The following NDUFS4 variants were observed in gnomAD, a reference collection of about 807,000 sequenced individuals.
NDUFS4 encodes the protein NADH dehydrogenase [ubiquinone] iron-sulfur protein 4, mitochondrial.
Under a neutral mutation model 24.3 loss-of-function variants are expected in NDUFS4, and 28 were observed. That is an observed-to-expected ratio of 1.15 (90% CI 0.85 to 1.58). NDUFS4 has a LOEUF of 1.58. Among genes scored for constraint, NDUFS4 ranks in the 40% most tolerant of loss-of-function variants. The probability of loss-of-function intolerance (pLI) is 0.00; values close to 1 mark genes in which losing one functional copy is unlikely to be tolerated. For missense variants in NDUFS4, 223 were observed against 207.9 expected (o/e 1.07, Z -0.45); for synonymous variants, 93 against 69.7 (o/e 1.34, Z -1.67).
At chr5:53,563,236 C>CAAAAA (rs906204561) in intron 1 of NDUFS4, among the ~76,000 whole-genome samples, 7 of 105,024 alleles carry the variant, frequency 6.7e-5, no homozygotes, top group South Asian at 3.1e-4. Flanking sequence ...CTCAAAAAAA[C>CAAAAA]AAAAAAAAAA....
chr5:53,662,311 T>C (rs1410112699), intron 4 of NDUFS4, among the ~76,000 whole-genome samples: 1 of 152,076 alleles, frequency 6.6e-6, no homozygotes, highest in East Asian at 1.9e-4. Context: ...ATTTTGTGTA[T>C]GTTGAACCAG....
chr5:53,562,473 A>T (rs1748880503), intron 1 of NDUFS4, among the ~76,000 whole-genome samples: 2 of 152,292 alleles, frequency 1.3e-5, no homozygotes, highest in South Asian at 4.1e-4. Context: ...TTGAGATTAG[A>T]TTTTTGAAAC....
chr5:53,564,105 T>C (rs1748945164), intron 1 of NDUFS4, among the ~76,000 whole-genome samples: 1 of 152,214 alleles, frequency 6.6e-6, no homozygotes, highest in Non-Finnish European at 1.5e-5. Flanking sequence ...GACCTGTTTG[T>C]GAGGTCTCTT....
rs1415480725 is a variant in NDUFS4, at chr5:53,573,999, A to C, written c.98+13239A>C. On this transcript the variant is annotated intron_variant, in intron 1 of 4. Transcript: ENST00000296684. The stretch of plus-strand genomic sequence containing the variant: ...CCACATTTATTTGTTACATAAAGTT[A>C]TATAAGTTTTTTGTAGATTCTTTGG... 3.3e-5 allele frequency among the ~76,000 whole-genome samples: 5 copies of C among 152,210 alleles called. No individual in the cohort carries two copies. The East Asian group carries it at 9.6e-4, about 29-fold the overall frequency.
intron 1 of NDUFS4, among the ~76,000 whole-genome samples, chr5:53,601,002 AAT>A (rs1750300704): frequency 7.2e-6 from 1 of 138,734 alleles, no homozygotes; most frequent in South Asian, 2.3e-4. Context: ...GTTTATAATA[AAT>A]TTTTTTTTTT....
intron 1 of NDUFS4, among the ~76,000 whole-genome samples, chr5:53,594,117 T>C (rs1161532780): frequency 6.6e-6 from 1 of 152,160 alleles, no homozygotes. Flanking sequence ...GTCTACTGGC[T>C]CTGTCAATTA....
intron 1 of NDUFS4, among the ~76,000 whole-genome samples, chr5:53,576,191 G>T (rs896843665): frequency 1.3e-5 from 2 of 152,232 alleles, no homozygotes; most frequent in African/African-American, 4.8e-5. Context: ...CCCAGGCTTT[G>T]TAGCCCTTCC....
chr5:53,639,817 C>G (rs973416971), intron 2 of NDUFS4, among the ~76,000 whole-genome samples: 1 of 152,024 alleles, frequency 6.6e-6, no homozygotes, highest in African/African-American at 2.4e-5. Flanking sequence ...TAACAGTTAC[C>G]TCCCTGAAGT....
At chr5:53,566,918 G>A (rs1273056886) in intron 1 of NDUFS4, among the ~76,000 whole-genome samples, 3 of 148,734 alleles carry the variant, frequency 2.0e-5, no homozygotes, top group East Asian at 2.0e-4. Context: ...GCGTGATCTC[G>A]GCTCACTGTG....
intron 1 of NDUFS4, among the ~76,000 whole-genome samples, chr5:53,587,396 ACC>A (rs1749796388): frequency 6.6e-6 from 1 of 151,912 alleles, no homozygotes; most frequent in Non-Finnish European, 1.5e-5. Context: ...TAAACCTACC[ACC>A]TAGATTTAAC....
chr5:53,630,410 A>G (rs751819910), intron 2 of NDUFS4, among the ~76,000 whole-genome samples: 20 of 151,718 alleles, frequency 1.3e-4, no homozygotes, highest in Non-Finnish European at 2.7e-4. Context: ...TATTTCCTCA[A>G]CTTGAATGTT....
intron 1 of NDUFS4, 118 bp from the exon 2 acceptor site, chr5:53,603,334 T>C: frequency 1.5e-6 from 1 of 687,926 alleles, no homozygotes; most frequent in Admixed American, 3.2e-5. Context: ...TTCTTTCCTT[T>C]CCTTTTTTTT....
At chr5:53,588,216 C>A (rs192799394) in intron 1 of NDUFS4, among the ~76,000 whole-genome samples, 10 of 152,232 alleles carry the variant, frequency 6.6e-5, no homozygotes, top group African/African-American at 2.2e-4. Flanking sequence ...AGTGTACGTA[C>A]CCTAATTTAA....
chr5:53,644,161 C>T (rs1751782637), intron 2 of NDUFS4, among the ~76,000 whole-genome samples: 2 of 152,042 alleles, frequency 1.3e-5, no homozygotes, highest in Admixed American at 1.3e-4. Context: ...GGCATATATG[C>T]ATCACAGTAT....
At chr5:53,625,141 G>A (rs1230818272) in intron 2 of NDUFS4, among the ~76,000 whole-genome samples, 1 of 151,940 alleles carries the variant, frequency 6.6e-6, no homozygotes, top group Non-Finnish European at 1.5e-5. Flanking sequence ...TAGAAATGGG[G>A]TTCGCCATGT....
At chr5:53,668,045 G>A (rs1481600476) in intron 4 of NDUFS4, among the ~76,000 whole-genome samples, 1 of 152,180 alleles carries the variant, frequency 6.6e-6, no homozygotes, top group Non-Finnish European at 1.5e-5. Context: ...ATACGTTTAT[G>A]GGCATTAATG....
intron 1 of NDUFS4, among the ~76,000 whole-genome samples, chr5:53,563,398 A>G (rs905957250): frequency 6.6e-6 from 1 of 152,034 alleles, no homozygotes; most frequent in African/African-American, 2.4e-5. Context: ...GAGCTGATCT[A>G]GTTACTTACT....
chr5:53,595,394 T>G (rs1388342108), intron 1 of NDUFS4, among the ~76,000 whole-genome samples: 1 of 152,164 alleles, frequency 6.6e-6, no homozygotes, highest in Admixed American at 6.5e-5. Context: ...GCAACACAGT[T>G]TCTTCCATTA....
intron 2 of NDUFS4, among the ~76,000 whole-genome samples, chr5:53,632,655 A>T (rs188240655): frequency 1.3e-5 from 2 of 152,206 alleles, no homozygotes; most frequent in African/African-American, 4.8e-5. Flanking sequence ...ATGTGCCCCC[A>T]TGCATGAAGC....
Sources: allele counts gnomAD v4.1 joint callset (sites outside exome capture counted in the v4.1 genomes callset), GRCh38; gene constraint gnomAD v4.1.1; transcripts MANE v1.5; gene names NCBI Gene and HGNC (gene_info 2026-07-23, HGNC 2026-07-21).